CACNA2D3: variants seen among roughly 807,000 people sequenced by gnomAD.
CACNA2D3 encodes the protein voltage-dependent calcium channel subunit alpha-2/delta-3.
In CACNA2D3, 60 loss-of-function variants were observed where a neutral mutation model predicts 160.6. The ratio of observed to expected loss-of-function variants is 0.37; its 90% CI spans 0.30 to 0.46. The LOEUF is 0.46. CACNA2D3 is among the 20% of genes least tolerant of loss of function. The probability of loss-of-function intolerance (pLI) is 1.00; values close to 1 mark genes in which losing one functional copy is unlikely to be tolerated. For synonymous variants in CACNA2D3, 558 were observed against 492.9 expected, an observed-to-expected ratio of 1.13 and a Z score of -1.75; for missense variants, 1,205 against 1,365.0, an observed-to-expected ratio of 0.88 and a Z score of 1.85.
intron 2 of CACNA2D3, among the ~76,000 whole-genome samples, chr3:54,160,287 G>T (rs4928003): frequency 0.84 from 128,167 of 152,170 alleles, 54,614 homozygotes; most frequent in East Asian, 1. Context: ...TCACCTGAGG[G>T]CAGGAGTTCG....
chr3:54,821,394 A>C (rs1020166929), intron 14 of CACNA2D3, among the ~76,000 whole-genome samples: 8 of 152,198 alleles, frequency 5.3e-5, no homozygotes, highest in Non-Finnish European at 1.2e-4. Context: ...GCAGGGTTCA[A>C]GATCTGTTGT....
intron 2 of CACNA2D3, among the ~76,000 whole-genome samples, chr3:54,271,606 A>T (rs1702623246): frequency 6.6e-6 from 1 of 152,208 alleles, no homozygotes; most frequent in African/African-American, 2.4e-5. Flanking sequence ...GTGCAGAAAA[A>T]GTCACTTTTT....
chr3:54,827,251 G>A (rs1703767641), intron 14 of CACNA2D3, among the ~76,000 whole-genome samples: 2 of 152,114 alleles, frequency 1.3e-5, no homozygotes, highest in African/African-American at 4.8e-5. Context: ...ATGTGCGTAG[G>A]CACTTGCAAC....
intron 11 of CACNA2D3, among the ~76,000 whole-genome samples, chr3:54,647,457 C>T (rs889819750): frequency 2.6e-5 from 4 of 152,138 alleles, no homozygotes; most frequent in Admixed American, 2.6e-4. Context: ...CAGGTGGGGT[C>T]CCTGGTGAAG....
intron 11 of CACNA2D3, among the ~76,000 whole-genome samples, chr3:54,655,848 AT>A (rs1266711503): frequency 6.6e-6 from 1 of 152,156 alleles, no homozygotes; most frequent in Non-Finnish European, 1.5e-5. Flanking sequence ...TTATTTGTCC[AT>A]TTTCTAGAGT....
chr3:55,017,475 T>C (rs1703350635), intron 34 of CACNA2D3, among the ~76,000 whole-genome samples: 1 of 152,228 alleles, frequency 6.6e-6, no homozygotes, highest in African/African-American at 2.4e-5. Context: ...TAACACTCAT[T>C]ATGTTCCAGT....
At chr3:54,424,448 T>TAACCA (rs1419028764) in intron 4 of CACNA2D3, among the ~76,000 whole-genome samples, 2 of 152,210 alleles carry the variant, frequency 1.3e-5, no homozygotes, top group African/African-American at 2.4e-5. Context: ...CTGAGGACAA[T>TAACCA]AACCACTCCC....
At chr3:55,007,119 A>G (rs1490274348) in intron 32 of CACNA2D3, among the ~76,000 whole-genome samples, 11 of 152,238 alleles carry the variant, frequency 7.2e-5, no homozygotes, top group Admixed American at 7.2e-4. Context: ...CACATAGGAA[A>G]TATCACAGAG....
intron 3 of CACNA2D3, among the ~76,000 whole-genome samples, chr3:54,363,196 A>AATATATATATATATATATATATATATAT (rs377127378): frequency 1.3e-5 from 2 of 151,304 alleles, no homozygotes; most frequent in South Asian, 2.1e-4. Flanking sequence ...TCCATCTCCA[A>AATATATATATATATATATATATATATAT]ATATATATAT....
chr3:55,028,931 AT>A (rs1187910087), intron 35 of CACNA2D3, among the ~76,000 whole-genome samples: 115 of 152,208 alleles, frequency 7.6e-4, no homozygotes, highest in African/African-American at 2.6e-3. Context: ...CGCACCTTTC[AT>A]TTATCTGCTA....
intron 27 of CACNA2D3, among the ~76,000 whole-genome samples, chr3:54,903,067 A>G (rs1410876144): frequency 6.6e-6 from 1 of 152,014 alleles, no homozygotes; most frequent in African/African-American, 2.4e-5. Flanking sequence ...ATTTAACTTT[A>G]TTTTAAGTTC....
intron 5 of CACNA2D3, among the ~76,000 whole-genome samples, chr3:54,552,807 C>G (rs1247223330): frequency 6.6e-6 from 1 of 152,116 alleles, no homozygotes; most frequent in African/African-American, 2.4e-5. Context: ...AAATGCAAGT[C>G]TCTCCACAAA....
In CACNA2D3 at chr3:54,581,134, G is replaced by A. The variant is rs138455416; in HGVS notation, c.889-669G>A. ...ATGTGTAAGGACCGGCCTCCCTGCA[G>A]GGCAGAGAAGCAAGCTTGCTGAGAG... On this transcript the variant is annotated intron_variant, in intron 8 of 37. Coordinates refer to ENST00000474759, the MANE Select transcript of CACNA2D3 (RefSeq NM_018398.3). Among the ~76,000 whole-genome samples, 5 of 152,296 alleles carry A rather than the reference G, an allele frequency of 3.3e-5. No homozygotes were observed. The East Asian group carries it at 9.7e-4, about 29-fold the overall frequency.
intron 35 of CACNA2D3, among the ~76,000 whole-genome samples, chr3:55,040,885 T>C (rs900814298): frequency 4.6e-5 from 7 of 152,322 alleles, no homozygotes; most frequent in East Asian, 1.9e-4. Flanking sequence ...CATTTCCCAA[T>C]CCTTCATCCT....
intron 4 of CACNA2D3, among the ~76,000 whole-genome samples, chr3:54,412,463 AT>A (rs1699684213): frequency 6.6e-6 from 1 of 151,864 alleles, no homozygotes; most frequent in South Asian, 2.1e-4. Context: ...GGTTAAGGTT[AT>A]CATTTTATCT....
At chr3:54,220,469 C>T (rs893743431) in intron 2 of CACNA2D3, among the ~76,000 whole-genome samples, 52 of 152,158 alleles carry the variant, frequency 3.4e-4, no homozygotes, top group African/African-American at 1.2e-3. Flanking sequence ...AACGAAGCCA[C>T]ACTCGAATGG....
intron 2 of CACNA2D3, among the ~76,000 whole-genome samples, chr3:54,247,654 G>A (rs997958480): frequency 7.9e-5 from 12 of 152,174 alleles, no homozygotes; most frequent in African/African-American, 2.9e-4. Flanking sequence ...ATTGAAGATA[G>A]GCAGAGGAGA....
At position 54,269,498 on chromosome 3, in the gene CACNA2D3, G is replaced by T. The variant is rs537404756; in HGVS notation, c.205-50944G>T. Among the ~76,000 whole-genome samples the T allele has an allele frequency of 5.2e-4, 79 of 152,242 alleles. 2 individuals carry two copies. The South Asian group carries it at 0.013, about 26-fold the overall frequency. ...CTGGGGATGCAAAGCTAAACATTGT[G>T]GACCCCACCTTTGGGACTGCACATT... On this transcript the variant is annotated intron_variant, in intron 2 of 37. Coordinates refer to ENST00000474759, the MANE Select transcript of CACNA2D3 (RefSeq NM_018398.3).
At chr3:54,838,760 A>G (rs1279312254) in intron 16 of CACNA2D3, 112 bp downstream of exon 16, 2 of 786,370 alleles carry the variant, frequency 2.5e-6, no homozygotes, top group Non-Finnish European at 4.5e-6. Context: ...GCTCACCACT[A>G]TTACAGCCTG....
Sources: gnomAD v4.1 joint callset for allele counts (sites outside exome capture counted in the v4.1 genomes callset) on GRCh38, gnomAD v4.1.1 for gene constraint, MANE v1.5 for transcripts, NCBI Gene and HGNC (gene_info 2026-07-23, HGNC 2026-07-21) for gene names.